The following CTNNA3 variants were observed in gnomAD, a reference collection of about 807,000 sequenced individuals.
The protein encoded by CTNNA3 is catenin alpha-3.
Under a neutral mutation model 95.7 loss-of-function variants are expected in CTNNA3, and 76 were observed. The ratio of observed to expected loss-of-function variants is 0.79; its 90% CI spans 0.66 to 0.96. CTNNA3 has a LOEUF of 0.96. Ranked by LOEUF, CTNNA3 falls within the 40% of genes least tolerant of loss-of-function variation. CTNNA3 has a pLI of 0.00. For missense variants in CTNNA3, 1,191 were observed against 1,089.8 expected (o/e 1.09, Z -1.31); for synonymous variants, 431 against 374.4 (o/e 1.15, Z -1.74).
At chr10:67,296,487 C>T (rs969865458) in intron 5 of CTNNA3, among the ~76,000 whole-genome samples, 14 of 152,144 alleles carry the variant, frequency 9.2e-5, no homozygotes, top group South Asian at 2.1e-4. Flanking sequence ...AAAATGGCAG[C>T]GATTTTAGAA....
intron 12 of CTNNA3, among the ~76,000 whole-genome samples, chr10:66,364,458 C>A (rs991052564): frequency 6.6e-6 from 1 of 151,938 alleles, no homozygotes; most frequent in African/African-American, 2.4e-5. Flanking sequence ...ATAAGATTGG[C>A]AGAAAACTTC....
At chr10:66,185,863 A>G (rs973837552) in intron 13 of CTNNA3, among the ~76,000 whole-genome samples, 5 of 152,102 alleles carry the variant, frequency 3.3e-5, no homozygotes, top group Non-Finnish European at 7.4e-5. Flanking sequence ...AATAAAGTAT[A>G]TTGTCAATGT....
At chr10:66,928,416 C>G (rs1847194750) in intron 7 of CTNNA3, 1 of 1,613,046 alleles carries the variant, frequency 6.2e-7, no homozygotes, top group East Asian at 2.2e-5. Flanking sequence ...GGACGGGACC[C>G]TGCACCTATA....
At chr10:67,436,846 G>C (rs1033582317) in intron 5 of CTNNA3, among the ~76,000 whole-genome samples, 1 of 152,150 alleles carries the variant, frequency 6.6e-6, no homozygotes, top group Non-Finnish European at 1.5e-5. Context: ...TGGATGCGGT[G>C]ATCAGGGAAC....
intron 5 of CTNNA3, among the ~76,000 whole-genome samples, chr10:67,424,948 A>G (rs974690820): frequency 6.6e-6 from 1 of 152,104 alleles, no homozygotes; most frequent in African/African-American, 2.4e-5. Context: ...AAATTCATTC[A>G]GTCCCTAATA....
At chr10:66,602,397 T>C (rs867512833) in intron 10 of CTNNA3, among the ~76,000 whole-genome samples, 6 of 152,130 alleles carry the variant, frequency 3.9e-5, no homozygotes, top group African/African-American at 1.2e-4. Flanking sequence ...AAACTGTTTA[T>C]GTATTTAAGG....
intron 13 of CTNNA3, among the ~76,000 whole-genome samples, chr10:66,136,462 T>C (rs1164343331): frequency 6.6e-6 from 1 of 151,556 alleles, no homozygotes; most frequent in Non-Finnish European, 1.5e-5. Flanking sequence ...CTAAATTGGA[T>C]AATAGTTTTC....
At chr10:66,997,498 C>A (rs1232104785) in intron 7 of CTNNA3, among the ~76,000 whole-genome samples, 1 of 152,124 alleles carries the variant, frequency 6.6e-6, no homozygotes, top group Non-Finnish European at 1.5e-5. Flanking sequence ...AAACCAAATT[C>A]TTGTCTGTTC....
chr10:66,516,496 T>C (rs1469128887), intron 11 of CTNNA3, among the ~76,000 whole-genome samples: 1 of 152,128 alleles, frequency 6.6e-6, no homozygotes, highest in Non-Finnish European at 1.5e-5. Context: ...TTATTCCAGC[T>C]CACAAGAGCC....
At chr10:66,181,215 T>C (rs1176735252) in intron 13 of CTNNA3, among the ~76,000 whole-genome samples, 1 of 152,226 alleles carries the variant, frequency 6.6e-6, no homozygotes, top group Admixed American at 6.5e-5. Context: ...TGTTAACTTA[T>C]TTATGTTTTC....
chr10:67,545,264 G>A (rs564982784), intron 3 of CTNNA3, among the ~76,000 whole-genome samples: 38 of 152,206 alleles, frequency 2.5e-4, no homozygotes, highest in African/African-American at 9.1e-4. Context: ...AGTAGAAGCT[G>A]TCTTAAAAGA....
At chr10:67,693,211 C>T (rs978658835) in intron 1 of CTNNA3, among the ~76,000 whole-genome samples, 4 of 152,182 alleles carry the variant, frequency 2.6e-5, no homozygotes, top group Admixed American at 2.6e-4. Context: ...GATGTATCGG[C>T]TAACAGTCCT....
rs546375565 is a variant in CTNNA3, at chr10:66,524,058, T to C, written c.1375-3285A>G. Reference sequence around the variant, plus strand: ...ATCACACCACTCATCTTTGTACCTCTGTGACTGTTTTTAGAGCTGAATCTG... The same window carrying C: ...ATCACACCACTCATCTTTGTACCTCCGTGACTGTTTTTAGAGCTGAATCTG... On this transcript the variant is annotated intron_variant, in intron 10 of 17. Transcript: ENST00000433211. Among the ~76,000 whole-genome samples, 45 of 152,274 alleles carry C rather than the reference T, an allele frequency of 3.0e-4. 1 individual carries two copies. Among genetic ancestry groups the C allele is most frequent in the African/African-American group, 1.1e-3 (44 of 41,562 alleles).
At chr10:66,556,915 T>A (rs1344978990) in intron 10 of CTNNA3, among the ~76,000 whole-genome samples, 2 of 152,146 alleles carry the variant, frequency 1.3e-5, no homozygotes, top group Non-Finnish European at 1.5e-5. Context: ...GAGAAAGATC[T>A]GTTAATTCAC....
chr10:66,999,073 G>A (rs1212876253), intron 7 of CTNNA3, among the ~76,000 whole-genome samples: 1 of 152,070 alleles, frequency 6.6e-6, no homozygotes, highest in Non-Finnish European at 1.5e-5. Context: ...CAGGGCAAAA[G>A]TTAATAAAAT....
intron 7 of CTNNA3, among the ~76,000 whole-genome samples, chr10:67,127,896 G>A (rs1281783761): frequency 6.6e-6 from 1 of 150,822 alleles, no homozygotes; most frequent in African/African-American, 2.4e-5. Flanking sequence ...GTGTGTGCAT[G>A]TGCGTGCACA....
At chr10:66,741,178 T>C (rs1849314311) in intron 9 of CTNNA3, among the ~76,000 whole-genome samples, 1 of 152,186 alleles carries the variant, frequency 6.6e-6, no homozygotes, top group African/African-American at 2.4e-5. Flanking sequence ...TGCCTTCTGG[T>C]GCAGATAAAG....
intron 13 of CTNNA3, among the ~76,000 whole-genome samples, chr10:66,194,371 G>T (rs1296755924): frequency 6.6e-6 from 1 of 152,142 alleles, no homozygotes; most frequent in Non-Finnish European, 1.5e-5. Flanking sequence ...CCTGAGGTCA[G>T]GAGTTCAAAA....
chr10:67,265,103 C>G (rs1017538012), intron 5 of CTNNA3, among the ~76,000 whole-genome samples: 1 of 152,170 alleles, frequency 6.6e-6, no homozygotes, highest in Non-Finnish European at 1.5e-5. Flanking sequence ...ACCAGCTCAT[C>G]TGTTCTACTT....
Sources: allele counts gnomAD v4.1 joint callset (sites outside exome capture counted in the v4.1 genomes callset), GRCh38; gene constraint gnomAD v4.1.1; transcripts MANE v1.5; gene names NCBI Gene and HGNC (gene_info 2026-07-23, HGNC 2026-07-21).